POU2F2: variants seen among roughly 807,000 people sequenced by gnomAD.
POU2F2 encodes POU domain, class 2, transcription factor 2.
A neutral mutation model predicts 63.5 loss-of-function variants in POU2F2; 14 were observed. That is an observed-to-expected ratio of 0.22 (90% CI 0.15 to 0.34). POU2F2 has a LOEUF of 0.34. POU2F2 is among the 10% of genes least tolerant of loss of function. The probability of loss-of-function intolerance (pLI) is 1.00; values close to 1 mark genes in which losing one functional copy is unlikely to be tolerated. For synonymous variants in POU2F2, 306 were observed against 348.6 expected, an observed-to-expected ratio of 0.88 and a Z score of 1.36; for missense variants, 607 against 815.2, an observed-to-expected ratio of 0.74 and a Z score of 3.11.
intron 1 of POU2F2, among the ~76,000 whole-genome samples, chr19:42,193,103 G>A (rs962853496): frequency 7.3e-5 from 11 of 151,124 alleles, no homozygotes; most frequent in Non-Finnish European, 1.3e-4. Flanking sequence ...GTGGGCGACT[G>A]TAGTCCCAGC....
intron 5 of POU2F2, chr19:42,110,557 C>T (rs2030920263): frequency 4.1e-6 from 1 of 244,992 alleles, no homozygotes; most frequent in East Asian, 1.1e-4. Context: ...CTGCTTCTTG[C>T]TGTGTGCCTG....
At chr19:42,098,889 G>T (rs1048595363) in intron 7 of POU2F2, among the ~76,000 whole-genome samples, 3 of 152,216 alleles carry the variant, frequency 2.0e-5, no homozygotes, top group Non-Finnish European at 2.9e-5. Flanking sequence ...AGGTGGCCTG[G>T]AGAGCTGGCA....
At position 42,183,511 on chromosome 19, in the gene POU2F2, G is replaced by GTAACAT. The variant is rs1568427343; in HGVS notation, c.-70+12871_-70+12872insATGTTA. On this transcript the variant is annotated intron_variant, in intron 1 of 5. Transcript: ENST00000532176. ...AAATGTTTTGTAACATGATTGTGGT[G>GTAACAT]GTGGTTACACAACTGTGTGTGTGTG... 1.5e-4 allele frequency among the ~76,000 whole-genome samples: 23 copies of GTAACAT among 152,300 alleles called. No individual in the cohort carries two copies. In the East Asian group the frequency reaches 4.2e-3, roughly 28 times the overall value.
chr19:42,123,916 C>T (rs1373551879), intron 1 of POU2F2, among the ~76,000 whole-genome samples: 1 of 152,112 alleles, frequency 6.6e-6, no homozygotes, highest in African/African-American at 2.4e-5. Context: ...CAAACTCTTC[C>T]CACAACTCAC....
chr19:42,114,822 G>A (rs2031633790), intron 5 of POU2F2, among the ~76,000 whole-genome samples: 1 of 152,176 alleles, frequency 6.6e-6, no homozygotes, highest in Non-Finnish European at 1.5e-5. Context: ...ACTAGTTACT[G>A]TTACTTCAAG....
Position 42,096,102 on chromosome 19 carries a change from T to G in POU2F2, c.709A>C (p.Ile237Leu). ...CAGACCTGCGTGAAGCCCAGCTTGA[T>G]GCGGCGTTGCTTGAAGGTGCGGGCG... Reference protein sequence around the residue: ...QFARTFKQRRIKLGFTQGDVG... With the variant: ...QFARTFKQRRLKLGFTQGDVG... Residue 237 changes from isoleucine (I) to leucine (L), a missense_variant, in exon 8 of 15, where the codon ATC (isoleucine) becomes CTC (leucine). By Grantham distance (5) the Ile-to-Leu change is conservative. Transcript: ENST00000692977. This position sits in a 1 kb window ranked among gnomAD's most constrained non-coding sequence, Gnocchi z 4.1. 6.2e-7 allele frequency: 1 copy of G among 1,613,770 alleles called. No individual in the cohort carries two copies. Among genetic ancestry groups the G allele is most frequent in the Non-Finnish European group, 8.5e-7 (1 of 1,179,808 alleles).
In POU2F2 at chr19:42,114,341, G is replaced by A. The variant is rs968827625; in HGVS notation, c.369+2909C>T. On this transcript the variant is annotated intron_variant, in intron 5 of 14. Coordinates refer to ENST00000692977, the MANE Select transcript of POU2F2 (RefSeq NM_001394376.1). Reference sequence around the variant, plus strand: ...TCGAGCAGATTCAGGCACGGCTGGGGGGAGGGAAGTCATCATGACTTCCTA... The same window carrying A: ...TCGAGCAGATTCAGGCACGGCTGGGAGGAGGGAAGTCATCATGACTTCCTA... Among the ~76,000 whole-genome samples the A allele has an allele frequency of 2.0e-5, 3 of 152,136 alleles. No homozygotes were observed. The East Asian group carries it at 5.8e-4, about 29-fold the overall frequency.
intron 2 of POU2F2, among the ~76,000 whole-genome samples, chr19:42,158,751 C>T (rs2146783733): frequency 6.6e-6 from 1 of 152,308 alleles, no homozygotes; most frequent in Non-Finnish European, 1.5e-5. Flanking sequence ...ATAGACCTAA[C>T]AGTGACCTCT....
rs1022156099 is a variant in POU2F2 at position 42,088,472 on chromosome 19, G to T, written c.*2785C>A. 6.6e-6 allele frequency: 1 copy of T among 151,514 alleles called. No individual in the cohort carries two copies. The highest frequency in any genetic ancestry group is 2.4e-5 in the African/African-American group (1 of 41,234). The allele number at this position is 151,514 out of a possible 1,614,324, so 9.4% of individuals were successfully genotyped here. ...GGGGAGGAAGCAGGATGAAGTGGGT[G>T]GTGGTGAGTCCTGGATTTTCTTTCC... On this transcript the variant is annotated 3_prime_UTR_variant, in exon 15 of 15. Transcript: ENST00000692977.
chr19:42,087,987 TCCC>T lies in POU2F2; in HGVS notation c.*3267_*3269del, dbSNP rs954066809. ...GCAGATGGGGGTGGGGGGCATGAAT[TCCC>T]CCATCACCTTCCCAACCCTGGCTCC... On this transcript the variant is annotated 3_prime_UTR_variant, in exon 15 of 15. Transcript: ENST00000692977. 1.3e-5 allele frequency: 2 copies of T among 151,894 alleles called. No individual in the cohort carries two copies. Among genetic ancestry groups the T allele is most frequent in the African/African-American group, 4.8e-5 (2 of 41,332 alleles). 9.4% of individuals were successfully genotyped at this position (151,894 alleles called of 1,614,324 possible).
chr19:42,110,523 G>C (rs2030916042), intron 5 of POU2F2: 1 of 189,968 alleles, frequency 5.3e-6, no homozygotes, highest in African/African-American at 2.4e-5. Context: ...GGAAACTCGG[G>C]GGTTTGAGCC....
chr19:42,193,712 C>T (rs913097562), intron 1 of POU2F2, among the ~76,000 whole-genome samples: 3 of 152,170 alleles, frequency 2.0e-5, no homozygotes, highest in African/African-American at 7.2e-5. Context: ...GTATAGACAG[C>T]CAAACCCATG....
At chr19:42,122,682 C>A in intron 1 of POU2F2, 106 bp from the exon 2 acceptor site, 1 of 1,074,512 alleles carries the variant, frequency 9.3e-7, no homozygotes, top group South Asian at 1.7e-5. Flanking sequence ...AAATTCCCCC[C>A]TTACCCCCAG....
At chr19:42,197,336 C>A (rs1316993746), upstream of POU2F2, among the ~76,000 whole-genome samples, 1 of 152,176 alleles carries the variant, frequency 6.6e-6, no homozygotes, top group East Asian at 1.9e-4. Flanking sequence ...AGTAGGTGTC[C>A]AGTGGAACTC....
chr19:42,116,858 A>T, intron 5 of POU2F2: 1 of 424,828 alleles, frequency 2.4e-6, no homozygotes, highest in South Asian at 1.7e-5. Flanking sequence ...GAGGAGGAGG[A>T]AGTAGAGGAG....
Position 42,091,221 on chromosome 19 carries a change from G to A in POU2F2, c.*36C>T. The A allele has an allele frequency of 6.7e-7, 1 of 1,499,728 alleles. No homozygotes were observed. The highest frequency in any genetic ancestry group is 8.9e-7 in the Non-Finnish European group (1 of 1,126,512). The allele number at this position is 1,499,728 out of a possible 1,614,324, so 92.9% of individuals were successfully genotyped here. ...CTTCCCAGGCAAGGGACCAAGGCAGGGACCAGAGGAATGGGAGGGGAGGCA... is the reference window on the plus strand; with the variant it reads ...CTTCCCAGGCAAGGGACCAAGGCAGAGACCAGAGGAATGGGAGGGGAGGCA... On this transcript the variant is annotated 3_prime_UTR_variant, in exon 15 of 15. Transcript: ENST00000692977.
chr19:42,098,808 A>G (rs899929430), intron 7 of POU2F2, among the ~76,000 whole-genome samples: 2 of 152,248 alleles, frequency 1.3e-5, no homozygotes, highest in Admixed American at 6.5e-5. Flanking sequence ...CATAAAAGGT[A>G]GTGAAAATTA....
At chr19:42,142,338 G>A (rs556096406) in intron 2 of POU2F2, among the ~76,000 whole-genome samples, 2 of 151,672 alleles carry the variant, frequency 1.3e-5, no homozygotes, top group South Asian at 2.1e-4. Flanking sequence ...TTACAGGCAC[G>A]TGCCACCACA....
intron 1 of POU2F2, among the ~76,000 whole-genome samples, chr19:42,175,315 A>G (rs1482752110): frequency 6.6e-6 from 1 of 152,220 alleles, no homozygotes; most frequent in Admixed American, 6.5e-5. Flanking sequence ...AGGCTCTGGT[A>G]GGAAGTTGGG....
Sources: allele counts gnomAD v4.1 joint callset (sites outside exome capture counted in the v4.1 genomes callset), GRCh38; gene constraint gnomAD v4.1.1; non-coding constraint Gnocchi (gnomAD v3.1); transcripts MANE v1.5; gene names NCBI Gene and HGNC (gene_info 2026-07-23, HGNC 2026-07-21).